BEND3: variants seen among roughly 807,000 people sequenced by gnomAD.
The protein encoded by BEND3 is BEN domain containing 3, also known as BEN domain-containing protein 3.
BEND3 carries 13 observed loss-of-function variants against 60.1 expected under a neutral mutation model. The observed-to-expected ratio is 0.22, with a 90% CI of 0.14 to 0.34. The LOEUF is 0.34. BEND3 is among the 10% of genes least tolerant of loss of function. The probability of loss-of-function intolerance (pLI) is 1.00; values close to 1 mark genes in which losing one functional copy is unlikely to be tolerated. For missense variants in BEND3, 896 were observed against 1,138.1 expected (o/e 0.79, Z 3.06); for synonymous variants, 497 against 491.5 (o/e 1.01, Z -0.15).
intron 3 of BEND3, among the ~76,000 whole-genome samples, chr6:107,095,337 A>T (rs1371615816): frequency 2.6e-5 from 4 of 152,002 alleles, no homozygotes; most frequent in Admixed American, 6.6e-5. Context: ...CAAAAAAAAA[A>T]TTTTTTTTAA....
chr6:107,085,034 T>G (rs1412984635), intron 3 of BEND3, among the ~76,000 whole-genome samples: 77 of 152,306 alleles, frequency 5.1e-4, no homozygotes, highest in Admixed American at 9.8e-4. Flanking sequence ...GCTGTAACAC[T>G]CATCACGACG....
In BEND3 at chr6:107,098,760, C is replaced by A; in HGVS notation, c.38-7G>T. On this transcript the variant is annotated splice_polypyrimidine_tract_variant and splice_region_variant and intron_variant, in intron 2 of 3. Coordinates refer to ENST00000369042, the MANE Select transcript of BEND3 (RefSeq NM_001367314.1). ...ACAGTGATACTTTTTAGAACTGTGT[C>A]AGAGAAGAAATAGGGCTCAGTGGGA... 6.2e-7 allele frequency: 1 copy of A among 1,612,508 alleles called. No homozygotes were observed.
At chr6:107,105,736 C>T (rs1461874976) in intron 1 of BEND3, among the ~76,000 whole-genome samples, 2 of 152,316 alleles carry the variant, frequency 1.3e-5, no homozygotes, top group East Asian at 1.9e-4. Context: ...CAGCTGACTC[C>T]GGATTTTACC....
intron 3 of BEND3, among the ~76,000 whole-genome samples, chr6:107,085,109 G>A (rs1447939834): frequency 6.6e-6 from 1 of 151,560 alleles, no homozygotes; most frequent in Non-Finnish European, 1.5e-5. Context: ...AACAACTTTG[G>A]ATGCGCCACC....
chr6:107,091,766 A>T (rs1399358156), intron 3 of BEND3, among the ~76,000 whole-genome samples: 1 of 152,222 alleles, frequency 6.6e-6, no homozygotes, highest in Non-Finnish European at 1.5e-5. Flanking sequence ...CTCAGAAAAC[A>T]GAAGTAGAGA....
intron 1 of BEND3, chr6:107,114,167 C>G (rs1352387108): frequency 2.0e-5 from 3 of 152,266 alleles, no homozygotes; most frequent in Admixed American, 1.3e-4. Flanking sequence ...ACAAGGGCCT[C>G]CAAATCGGTG....
At chr6:107,079,608 A>C (rs533764441) in intron 3 of BEND3, among the ~76,000 whole-genome samples, 2 of 152,258 alleles carry the variant, frequency 1.3e-5, no homozygotes, top group Admixed American at 1.3e-4. Flanking sequence ...TGAAGAAGCA[A>C]GCCACACCCC....
intron 1 of BEND3, among the ~76,000 whole-genome samples, chr6:107,114,855 A>G (rs1162595830): frequency 6.7e-6 from 1 of 148,826 alleles, no homozygotes; most frequent in Non-Finnish European, 1.5e-5. Context: ...AGGGGCGCGC[A>G]GCACAATGGG....
At position 107,068,616 on chromosome 6, in the gene BEND3, T is replaced by C. The variant is rs934570605; in HGVS notation, c.*88A>G. ...ATAAGGTGCCTGTCTGTGGATGCCA[T>C]AGGCGTGCTCCCAAGTATTGCTCAG... is the stretch of plus-strand genomic sequence containing the variant. On this transcript the variant is annotated 3_prime_UTR_variant, in exon 4 of 4. Coordinates refer to ENST00000369042, the MANE Select transcript of BEND3 (RefSeq NM_001367314.1). The surrounding 1 kb of genome is among the most constrained non-coding windows in gnomAD (Gnocchi z 5.8). 6.2e-6 allele frequency: 9 copies of C among 1,444,386 alleles called. No individual in the cohort carries two copies. In the Admixed American group the frequency reaches 8.3e-5, roughly 13 times the overall value. 89.5% of individuals were successfully genotyped at this position (1,444,386 alleles called of 1,614,324 possible).
intron 3 of BEND3, among the ~76,000 whole-genome samples, chr6:107,083,336 T>G (rs1190642090): frequency 1.3e-5 from 2 of 152,144 alleles, no homozygotes; most frequent in African/African-American, 4.8e-5. Context: ...TTAAAAATTA[T>G]CGGCCAGGCA....
intron 3 of BEND3, among the ~76,000 whole-genome samples, chr6:107,073,600 A>G (rs1483395964): frequency 1.3e-5 from 2 of 152,090 alleles, no homozygotes; most frequent in Non-Finnish European, 2.9e-5. Flanking sequence ...TCTCAAATAC[A>G]TGCTTAAGAA....
intron 3 of BEND3, among the ~76,000 whole-genome samples, chr6:107,074,887 G>A (rs1554232567): frequency 6.6e-6 from 1 of 152,058 alleles, no homozygotes; most frequent in African/African-American, 2.4e-5. Flanking sequence ...GGATCACGAG[G>A]TCAGGAGATT....
chr6:107,087,969 T>TA (rs71012767), intron 3 of BEND3, among the ~76,000 whole-genome samples: 58,076 of 121,448 alleles, frequency 0.48, 14,010 homozygotes, highest in South Asian at 0.52. Flanking sequence ...AGGCTAGTGA[T>TA]AAAAAAAAAA....
chr6:107,068,958 C>A lies in BEND3; in HGVS notation c.2233G>T (p.Val745Phe). 6.2e-7 allele frequency: 1 copy of A among 1,613,810 alleles called. No individual in the cohort carries two copies. Among genetic ancestry groups the A allele is most frequent in the Non-Finnish European group, 8.5e-7 (1 of 1,180,030 alleles). The change falls in exon 4 of 4, where the codon GTC (valine) becomes TTC (phenylalanine). Residue 745 changes from valine to phenylalanine, a missense_variant. Physicochemically the swap from Val to Phe is conservative, Grantham distance 50. Transcript: ENST00000369042. This position sits in a 1 kb window ranked among gnomAD's most constrained non-coding sequence, Gnocchi z 5.8. The stretch of plus-strand genomic sequence containing the variant: ...GTGAAGAGTTCGGGAAACAGGCGGA[C>A]GAGGAGCCGGGCGGCAAAGTTGCCC... Reference protein sequence around the residue: ...SVGNFAARLLVRLFPELFTAE... With the variant: ...SVGNFAARLLFRLFPELFTAE...
rs372319755 is a variant in BEND3 at position 107,080,840 on chromosome 6, T to C, written c.241-9890A>G. On this transcript the variant is annotated intron_variant, in intron 3 of 3. Coordinates refer to ENST00000369042, the MANE Select transcript of BEND3 (RefSeq NM_001367314.1). ...CAGAGGTTGCAGTGAGCCGAGATCA[T>C]GCCACTGCACTCCAGCCTGGGTGAC... 2.6e-5 allele frequency among the ~76,000 whole-genome samples: 4 copies of C among 152,032 alleles called. No individual in the cohort carries two copies. The East Asian group carries it at 5.8e-4, about 22-fold the overall frequency.
Position 107,070,731 on chromosome 6 carries a change from C to T in BEND3, c.460G>A (p.Glu154Lys), listed in dbSNP as rs782011075. The change falls in exon 4 of 4, where the codon GAG becomes AAG. Residue 154 changes from glutamate (E) to lysine (K), a missense_variant. This residue lies in a region of BEND3 where 846 missense variants were observed against 1,036.7 expected (regional missense o/e 0.82). Coordinates refer to ENST00000369042, the MANE Select transcript of BEND3 (RefSeq NM_001367314.1). This position sits in a 1 kb window ranked among gnomAD's most constrained non-coding sequence, Gnocchi z 6.9. ...CTGGCGTTTGCCTTCTCAAAGAGCTCGTACACGTTTAGCAGGTCCCCCGAG... is the reference window on the plus strand; with the variant it reads ...CTGGCGTTTGCCTTCTCAAAGAGCTTGTACACGTTTAGCAGGTCCCCCGAG... ...PPSGDLLNVY[E>K]LFEKANASNS... 14 of 1,613,834 alleles carry T rather than the reference C, an allele frequency of 8.7e-6. No individual in the cohort carries two copies. The highest frequency in any genetic ancestry group is 1.2e-5 in the Non-Finnish European group (14 of 1,180,028).
Position 107,069,874 on chromosome 6 carries a change from T to C in BEND3, c.1317A>G (p.Gly439=). The C allele has an allele frequency of 6.2e-7, 1 of 1,613,738 alleles. No individual in the cohort carries two copies. Among genetic ancestry groups the C allele is most frequent in the Non-Finnish European group, 8.5e-7 (1 of 1,179,976 alleles). The change falls in exon 4 of 4, where the codon GGA becomes GGG. Residue 439 remains glycine, a synonymous_variant. Transcript: ENST00000369042. ...GCCGCTGCGGGTCCAGCTCCTGCTT[T>C]CCACCGTCCCCGTAGCAGCTGTACT... ...GEQYSCYGDG[G]KQELDPQRLQ...
In BEND3 at chr6:107,070,916, C is replaced by T. The variant is rs782039701; in HGVS notation, c.275G>A (p.Ser92Asn). Residue 92 changes from serine to asparagine, a missense_variant, in exon 4 of 4, where the codon AGC becomes AAC. Ser to Asn is a conservative substitution (Grantham distance 46). This residue lies in a region of BEND3 where 846 missense variants were observed against 1,036.7 expected (regional missense o/e 0.82). Transcript: ENST00000369042. The surrounding 1 kb of genome is among the most constrained non-coding windows in gnomAD (Gnocchi z 6.9). ...CTCACCATTGCCTTGGCAGGGCGAGCTGTTCTCACGGTTCCGCATGCCTGC... is the reference window on the plus strand; with the variant it reads ...CTCACCATTGCCTTGGCAGGGCGAGTTGTTCTCACGGTTCCGCATGCCTGC... The part of the protein sequence containing the change: ...LLAGMRNREN[S>N]SPCQGNGEQA... 4 of 1,613,516 alleles carry T rather than the reference C, an allele frequency of 2.5e-6. No individual in the cohort carries two copies. In the South Asian group the frequency reaches 4.4e-5, roughly 18 times the overall value.
chr6:107,078,253 C>T (rs1400916954), intron 3 of BEND3, among the ~76,000 whole-genome samples: 2 of 152,046 alleles, frequency 1.3e-5, no homozygotes, highest in Non-Finnish European at 2.9e-5. Flanking sequence ...CCACTTTGCC[C>T]TCCTGCACTT....
Sources: allele counts gnomAD v4.1 joint callset (sites outside exome capture counted in the v4.1 genomes callset), GRCh38; gene constraint gnomAD v4.1.1; regional missense constraint gnomAD v4.1.1; non-coding constraint Gnocchi (gnomAD v3.1); transcripts MANE v1.5; gene names NCBI Gene and HGNC (gene_info 2026-07-23, HGNC 2026-07-21).